SORCS1: variants seen among roughly 807,000 people sequenced by gnomAD.
The protein encoded by SORCS1 is VPS10 domain-containing receptor SorCS1.
SORCS1 carries 60 observed loss-of-function variants against 146.1 expected under a neutral mutation model. The ratio of observed to expected loss-of-function variants is 0.41; its 90% CI spans 0.33 to 0.51. The LOEUF is 0.51. Ranked by LOEUF, SORCS1 falls within the 20% of genes least tolerant of loss-of-function variation. SORCS1 has a pLI of 0.21. For missense variants in SORCS1, 1,352 were observed against 1,487.6 expected (o/e 0.91, Z 1.50); for synonymous variants, 637 against 584.0 (o/e 1.09, Z -1.31).
intron 3 of SORCS1, among the ~76,000 whole-genome samples, chr10:106,818,912 A>G (rs1219025291): frequency 1.3e-5 from 2 of 152,236 alleles, no homozygotes; most frequent in Non-Finnish European, 2.9e-5. Context: ...CATAGCTATC[A>G]TGATACATAA....
At chr10:107,020,723 G>A (rs1437715290) in intron 1 of SORCS1, among the ~76,000 whole-genome samples, 2 of 152,114 alleles carry the variant, frequency 1.3e-5, no homozygotes, top group African/African-American at 4.8e-5. Flanking sequence ...CCTTTCTAAA[G>A]AATTTTGGAG....
chr10:107,098,277 G>A (rs765163057), intron 1 of SORCS1, among the ~76,000 whole-genome samples: 38 of 152,204 alleles, frequency 2.5e-4, no homozygotes, highest in Non-Finnish European at 5.0e-4. Flanking sequence ...ATCCAACTTA[G>A]CTCCTGAGTC....
intron 1 of SORCS1, among the ~76,000 whole-genome samples, chr10:106,996,556 A>G (rs1265849250): frequency 2.0e-5 from 3 of 152,282 alleles, no homozygotes; most frequent in African/African-American, 7.2e-5. Context: ...ATAACCACAC[A>G]TGAAAGTCAA....
intron 2 of SORCS1, among the ~76,000 whole-genome samples, chr10:106,910,333 A>T (rs1253052109): frequency 2.8e-5 from 4 of 141,236 alleles, no homozygotes; most frequent in Non-Finnish European, 6.0e-5. Flanking sequence ...ATATATATAT[A>T]GAGAGTGAGC....
intron 20 of SORCS1, among the ~76,000 whole-genome samples, chr10:106,619,841 G>A (rs1847620083): frequency 6.6e-6 from 1 of 152,204 alleles, no homozygotes. Context: ...TGAGCATAGG[G>A]AATATTTGGA....
chr10:106,813,133 T>TC lies in SORCS1; in HGVS notation c.726+16440_726+16441insG, dbSNP rs1439111460. Among the ~76,000 whole-genome samples the TC allele has an allele frequency of 4.3e-3, 601 of 140,902 alleles. 5 individuals are homozygous for TC. Among genetic ancestry groups the TC allele is most frequent in the African/African-American group, 0.016 (589 of 37,838 alleles). The allele number at this position is 140,902 out of a possible 152,430, so 92.4% of individuals were successfully genotyped here. On this transcript the variant is annotated intron_variant, in intron 3 of 25. Transcript: ENST00000263054. The stretch of plus-strand genomic sequence containing the variant: ...GTTTCTTTTTCTTCTCTTTTCTTTT[T>TC]TTTTTTTTTTTTTTTTTGAGATGGA...
chr10:106,842,519 C>A (rs557148963), intron 2 of SORCS1, among the ~76,000 whole-genome samples: 1 of 152,126 alleles, frequency 6.6e-6, no homozygotes, highest in Admixed American at 6.5e-5. Context: ...CAGGCGTGAG[C>A]CATTGTGTCT....
chr10:106,682,274 T>C (rs1852495499), intron 10 of SORCS1, among the ~76,000 whole-genome samples: 1 of 152,202 alleles, frequency 6.6e-6, no homozygotes, highest in Non-Finnish European at 1.5e-5. Context: ...TACATTAATC[T>C]GAGGAAAAAA....
intron 2 of SORCS1, among the ~76,000 whole-genome samples, chr10:106,877,479 G>C (rs1477036978): frequency 1.3e-5 from 2 of 152,102 alleles, no homozygotes; most frequent in Admixed American, 6.5e-5. Context: ...TTCTCAGTGA[G>C]TTATGATTGT....
chr10:106,769,092 C>T (rs1859793180), intron 4 of SORCS1, among the ~76,000 whole-genome samples: 2 of 152,168 alleles, frequency 1.3e-5, no homozygotes, highest in South Asian at 4.1e-4. Context: ...GCGCTGGCAT[C>T]TATTTCTTTA....
At chr10:106,933,712 T>C (rs1953537552) in intron 2 of SORCS1, among the ~76,000 whole-genome samples, 1 of 151,974 alleles carries the variant, frequency 6.6e-6, no homozygotes, top group Admixed American at 6.5e-5. Flanking sequence ...CAAGTAAGGA[T>C]AGCTAACACC....
intron 4 of SORCS1, among the ~76,000 whole-genome samples, chr10:106,773,757 G>A (rs1398677349): frequency 6.6e-6 from 1 of 152,116 alleles, no homozygotes; most frequent in Non-Finnish European, 1.5e-5. Context: ...AGACCAGCCT[G>A]GCCAACAAGG....
chr10:107,088,842 G>C (rs925238295), intron 1 of SORCS1, among the ~76,000 whole-genome samples: 2 of 152,182 alleles, frequency 1.3e-5, no homozygotes, highest in African/African-American at 4.8e-5. Flanking sequence ...CCATTTCCCA[G>C]AAACTTCCTG....
intron 2 of SORCS1, among the ~76,000 whole-genome samples, chr10:106,896,361 A>G (rs1416573418): frequency 2.7e-5 from 4 of 148,614 alleles, no homozygotes; most frequent in Non-Finnish European, 5.9e-5. Context: ...CCCAGGAGAC[A>G]GGGGTTGCAG....
chr10:107,111,035 T>C (rs72812998), intron 1 of SORCS1, among the ~76,000 whole-genome samples: 9,584 of 152,228 alleles, frequency 0.063, 330 homozygotes, highest in Non-Finnish European at 0.079. Context: ...TGCAATCCTA[T>C]AGGCAATCCC....
intron 1 of SORCS1, among the ~76,000 whole-genome samples, chr10:107,115,372 G>A (rs1965957148): frequency 6.6e-6 from 1 of 151,970 alleles, no homozygotes; most frequent in African/African-American, 2.4e-5. Context: ...AAAGTCATGT[G>A]ATCAAAACTG....
At chr10:106,757,284 GTTA>G (rs894566736) in intron 5 of SORCS1, among the ~76,000 whole-genome samples, 1 of 152,046 alleles carries the variant, frequency 6.6e-6, no homozygotes, top group African/African-American at 2.4e-5. Context: ...GAAATTCTAT[GTTA>G]TTACCCATGG....
intron 3 of SORCS1, among the ~76,000 whole-genome samples, chr10:106,814,637 G>A (rs1589455305): frequency 6.6e-6 from 1 of 151,986 alleles, no homozygotes; most frequent in Non-Finnish European, 1.5e-5. Flanking sequence ...GGTCTTGGCC[G>A]GGCGCAGTCG....
intron 1 of SORCS1, among the ~76,000 whole-genome samples, chr10:107,074,522 C>T (rs77851366): frequency 0.071 from 10,743 of 152,178 alleles, 1,170 homozygotes; most frequent in African/African-American, 0.24. Flanking sequence ...TACAAGTTTT[C>T]GTGTGGACAT....
Sources: allele counts gnomAD v4.1 joint callset (sites outside exome capture counted in the v4.1 genomes callset), GRCh38; gene constraint gnomAD v4.1.1; transcripts MANE v1.5; gene names NCBI Gene and HGNC (gene_info 2026-07-23, HGNC 2026-07-21).